The following ROBO1 variants were observed in gnomAD, a reference collection of about 807,000 sequenced individuals.
ROBO1 encodes the protein roundabout guidance receptor 1, also known as roundabout homolog 1.
A neutral mutation model predicts 195.9 loss-of-function variants in ROBO1; 149 were observed. The ratio of observed to expected loss-of-function variants is 0.76; its 90% CI spans 0.67 to 0.87. The LOEUF (loss-of-function observed/expected upper bound fraction) is 0.87, where lower values mean the gene tolerates loss of function less well. Ranked by LOEUF, ROBO1 falls within the 40% of genes least tolerant of loss-of-function variation. The pLI, the probability that ROBO1 is intolerant of heterozygous loss-of-function variation, is 0.00. For missense variants in ROBO1, 1,933 were observed against 2,068.3 expected (o/e 0.93, Z 1.27); for synonymous variants, 816 against 733.2 (o/e 1.11, Z -1.82).
intron 2 of ROBO1, among the ~76,000 whole-genome samples, chr3:79,149,695 A>C (rs552940332): frequency 6.6e-6 from 1 of 151,736 alleles, no homozygotes; most frequent in Non-Finnish European, 1.5e-5. Context: ...TGTTTTGGCG[A>C]GTCTGTGCCT....
At chr3:78,599,204 C>T (rs1703023351) in intron 30 of ROBO1, among the ~76,000 whole-genome samples, 1 of 152,036 alleles carries the variant, frequency 6.6e-6, no homozygotes, top group Non-Finnish European at 1.5e-5. Context: ...GTTGAGTTAT[C>T]TAATCCCCTC....
intron 2 of ROBO1, among the ~76,000 whole-genome samples, chr3:79,340,079 C>T (rs539419433): frequency 1.4e-4 from 21 of 152,270 alleles, no homozygotes; most frequent in African/African-American, 5.1e-4. Flanking sequence ...CTGCTGGCCT[C>T]GCCTAGAGTT....
At chr3:79,400,140 T>C (rs2037309977) in intron 2 of ROBO1, among the ~76,000 whole-genome samples, 1 of 152,152 alleles carries the variant, frequency 6.6e-6, no homozygotes, top group South Asian at 2.1e-4. Context: ...AACTATTAAA[T>C]TAGAAAAATA....
chr3:79,361,922 G>A (rs1205320939), intron 2 of ROBO1, among the ~76,000 whole-genome samples: 1 of 151,986 alleles, frequency 6.6e-6, no homozygotes. Context: ...TCTCAAGCAA[G>A]TTTTCCAAGG....
intron 22 of ROBO1, among the ~76,000 whole-genome samples, chr3:78,636,713 CTA>C (rs1705523138): frequency 6.6e-6 from 1 of 151,090 alleles, no homozygotes; most frequent in Admixed American, 6.6e-5. Flanking sequence ...GGAAAACATG[CTA>C]TATAATTATT....
At chr3:79,080,569 A>G (rs1333245464) in intron 3 of ROBO1, among the ~76,000 whole-genome samples, 1 of 152,114 alleles carries the variant, frequency 6.6e-6, no homozygotes, top group Non-Finnish European at 1.5e-5. Flanking sequence ...TTAAGCATAA[A>G]AATGCATAAA....
chr3:78,971,546 G>A (rs2076766413), intron 3 of ROBO1, among the ~76,000 whole-genome samples: 2 of 152,178 alleles, frequency 1.3e-5, no homozygotes, highest in Non-Finnish European at 1.5e-5. Flanking sequence ...AGGAAAATGG[G>A]TTACCCTCAA....
intron 2 of ROBO1, among the ~76,000 whole-genome samples, chr3:79,187,769 C>A (rs374412432): frequency 6.6e-6 from 1 of 151,960 alleles, no homozygotes; most frequent in Admixed American, 6.6e-5. Context: ...ATTAAAATTT[C>A]TTCCAGCATA....
chr3:78,616,695 C>G (rs1704134261), intron 27 of ROBO1, among the ~76,000 whole-genome samples: 1 of 152,080 alleles, frequency 6.6e-6, no homozygotes, highest in Non-Finnish European at 1.5e-5. Context: ...AAATGTATCT[C>G]TTTCTTGCTG....
At chr3:79,548,771 C>T (rs1308764918) in intron 2 of ROBO1, among the ~76,000 whole-genome samples, 2 of 152,176 alleles carry the variant, frequency 1.3e-5, no homozygotes, top group Non-Finnish European at 2.9e-5. Context: ...GTTCTTGATG[C>T]TCTGGGAGAA....
rs1291119716 is a variant in ROBO1, at chr3:78,598,765, T to A, written c.*148A>T. 2.0e-6 allele frequency: 1 copy of A among 502,958 alleles called. No individual in the cohort carries two copies. Among genetic ancestry groups the A allele is most frequent in the Admixed American group, 3.1e-5 (1 of 31,966 alleles). 31.2% of individuals were successfully genotyped at this position (502,958 alleles called of 1,614,324 possible). ...AACAATAAAAACCCAATAAAGTTTT[T>A]AAAATGATATCCCAATAAGAGGAAT... is the stretch of plus-strand genomic sequence containing the variant. On this transcript the variant is annotated 3_prime_UTR_variant, in exon 31 of 31. Coordinates refer to ENST00000464233, the MANE Select transcript of ROBO1 (RefSeq NM_002941.4).
chr3:78,926,861 T>C (rs2039251149), intron 4 of ROBO1, among the ~76,000 whole-genome samples: 1 of 152,190 alleles, frequency 6.6e-6, no homozygotes, highest in South Asian at 2.1e-4. Flanking sequence ...ATACATTCTC[T>C]ATATGGCCTA....
chr3:78,748,392 C>G (rs569429879), intron 4 of ROBO1, among the ~76,000 whole-genome samples: 1 of 151,886 alleles, frequency 6.6e-6, no homozygotes, highest in African/African-American at 2.4e-5. Context: ...TTGTGGTGAG[C>G]TGAGATCGTG....
At chr3:79,662,274 T>C (rs1043174627) in intron 1 of ROBO1, among the ~76,000 whole-genome samples, 6 of 152,096 alleles carry the variant, frequency 3.9e-5, no homozygotes, top group Admixed American at 3.9e-4. Context: ...GATTGAGATC[T>C]CCAATGTTTT....
At chr3:79,713,796 T>C (rs1024231608) in intron 1 of ROBO1, among the ~76,000 whole-genome samples, 4 of 152,288 alleles carry the variant, frequency 2.6e-5, no homozygotes, top group Non-Finnish European at 5.9e-5. Flanking sequence ...AAATCCAGTT[T>C]CAGCTTTCTA....
chr3:79,729,036 A>C (rs1703039226), intron 1 of ROBO1, among the ~76,000 whole-genome samples: 1 of 152,204 alleles, frequency 6.6e-6, no homozygotes. Context: ...ATATATTTTC[A>C]ATTTTTATTA....
At chr3:79,458,088 A>G (rs1390257447) in intron 2 of ROBO1, among the ~76,000 whole-genome samples, 1 of 152,182 alleles carries the variant, frequency 6.6e-6, no homozygotes, top group Non-Finnish European at 1.5e-5. Context: ...AAAAAAGAAA[A>G]GCATCCTCAC....
intron 4 of ROBO1, among the ~76,000 whole-genome samples, chr3:78,791,831 T>TC (rs1399146614): frequency 6.6e-6 from 1 of 152,216 alleles, no homozygotes; most frequent in East Asian, 1.9e-4. Context: ...ATTATGATAA[T>TC]CATCGATATC....
At chr3:79,442,069 T>A (rs1020481346) in intron 2 of ROBO1, among the ~76,000 whole-genome samples, 1 of 152,182 alleles carries the variant, frequency 6.6e-6, no homozygotes, top group Non-Finnish European at 1.5e-5. Flanking sequence ...TCTCGGCTCC[T>A]CAATTCTTAT....
Sources: allele counts gnomAD v4.1 joint callset (sites outside exome capture counted in the v4.1 genomes callset), GRCh38; gene constraint gnomAD v4.1.1; transcripts MANE v1.5; gene names NCBI Gene and HGNC (gene_info 2026-07-23, HGNC 2026-07-21).